STK26: variants seen among roughly 807,000 people sequenced by gnomAD.
STK26 encodes the protein serine/threonine-protein kinase 26.
In STK26, 14 loss-of-function variants were observed where a neutral mutation model predicts 34.7. That is an observed-to-expected ratio of 0.40 (90% confidence interval 0.27 to 0.63). STK26 has a LOEUF of 0.63. Among genes scored for constraint, STK26 ranks in the 30% least tolerant of loss-of-function variants. The probability of loss-of-function intolerance (pLI) is 0.38; values close to 1 mark genes in which losing one functional copy is unlikely to be tolerated. For synonymous variants in STK26, 100 were observed against 109.8 expected (o/e 0.91, Z 0.56); for missense variants, 226 against 309.1 (o/e 0.73, Z 2.02).
Position 132,023,548 on chromosome X carries a change from C to A in STK26, c.-70C>A. The A allele has an allele frequency of 8.7e-7, 1 of 1,143,356 alleles. No individual in the cohort carries two copies. The highest frequency in any genetic ancestry group is 1.2e-6 in the Non-Finnish European group (1 of 851,758). 94.2% of individuals were successfully genotyped at this position (1,143,356 alleles called of 1,213,427 possible). ...CCTGGGAGGGCCGCCGAACTACCCC[C>A]GGAGGGAGGAGCCAGTCCGAACCCA... On this transcript the variant is annotated 5_prime_UTR_variant, in exon 2 of 12. Coordinates refer to ENST00000394334, the MANE Select transcript of STK26 (RefSeq NM_016542.4).
At chrX:132,063,628 T>C (rs1927128277) in intron 4 of STK26, 139 bp downstream of exon 4, 2 of 492,430 alleles carry the variant, frequency 4.1e-6, no homozygotes, top group Non-Finnish European at 6.8e-6. Flanking sequence ...AATTCTTTTT[T>C]CATGACCTCT....
At position 132,063,957 on chromosome X, in the gene STK26, C is replaced by T. The variant is rs1033579929; in HGVS notation, c.330+468C>T. 2.7e-5 allele frequency among the ~76,000 whole-genome samples: 3 copies of T among 111,378 alleles called. No individual in the cohort carries two copies. The Admixed American group carries it at 2.9e-4, about 11-fold the overall frequency. Reference sequence around the variant, plus strand: ...GTATTAGGCGGTGGGGACCTTGGGACCTAATTAAGTCATGAAGGTGAGTTC... The same window carrying T: ...GTATTAGGCGGTGGGGACCTTGGGATCTAATTAAGTCATGAAGGTGAGTTC... On this transcript the variant is annotated intron_variant, in intron 4 of 11. Transcript: ENST00000394334.
At chrX:132,071,403 T>A (rs1317873968) in intron 8 of STK26, among the ~76,000 whole-genome samples, 186 bp downstream of exon 8, 1 of 112,434 alleles carries the variant, frequency 8.9e-6, no homozygotes, top group African/African-American at 3.2e-5. Flanking sequence ...AACATGTTTT[T>A]CTTGGAAGTG....
At chrX:132,054,487 A>T in intron 2 of STK26, 144 bp from the exon 3 acceptor site, 2 of 499,472 alleles carry the variant, frequency 4.0e-6, no homozygotes, top group Non-Finnish European at 6.6e-6. Flanking sequence ...AGTTGTTCTA[A>T]CAAAGCACAT....
chrX:132,040,832 A>G (rs1205072803), intron 2 of STK26, among the ~76,000 whole-genome samples: 3 of 112,059 alleles, frequency 2.7e-5, no homozygotes, highest in African/African-American at 9.7e-5. Context: ...TTATTAGATC[A>G]TAGCATATGA....
Position 132,068,229 on chromosome X carries a change from A to G in STK26, c.345A>G (p.Pro115=). 8.3e-7 allele frequency: 1 copy of G among 1,203,552 alleles called. No homozygotes were observed. The highest frequency in any genetic ancestry group is 1.1e-6 in the Non-Finnish European group (1 of 891,801). The change falls in exon 5 of 12, where the codon CCA becomes CCG. Residue 115 remains proline, a synonymous_variant. Coordinates refer to ENST00000394334, the MANE Select transcript of STK26 (RefSeq NM_016542.4). ...TTCCCCTTAAGCTTCGAGCTGGTCC[A>G]TTTGATGAGTTCCAGATTGCTACCA... ...GSALDLLRAG[P]FDEFQIATML...
intron 2 of STK26, among the ~76,000 whole-genome samples, chrX:132,044,660 T>TCTCTCC (rs2124153089): frequency 1.4e-5 from 1 of 73,772 alleles, no homozygotes; most frequent in Admixed American, 1.4e-4. Flanking sequence ...TCTCTCTCTC[T>TCTCTCC]CTCTCGAGAT....
At chrX:132,029,208 G>A (rs756245473) in intron 2 of STK26, among the ~76,000 whole-genome samples, 2 of 112,054 alleles carry the variant, frequency 1.8e-5, no homozygotes, top group South Asian at 7.5e-4. Flanking sequence ...TCTCTTGCTT[G>A]AGTCACAGCA....
chrX:132,060,183 G>A, intron 3 of STK26, among the ~76,000 whole-genome samples: 1 of 111,913 alleles, frequency 8.9e-6, no homozygotes, highest in South Asian at 3.7e-4. Flanking sequence ...TGATGTCTCT[G>A]GTTTCATCCT....
At chrX:132,033,341 A>G (rs936178967) in intron 2 of STK26, among the ~76,000 whole-genome samples, 8 of 112,230 alleles carry the variant, frequency 7.1e-5, no homozygotes, top group African/African-American at 1.9e-4. Flanking sequence ...AAAGAAACCA[A>G]TCAGCAAAGC....
chrX:132,039,481 T>C (rs187448042), intron 2 of STK26, among the ~76,000 whole-genome samples: 4 of 111,603 alleles, frequency 3.6e-5, no homozygotes, highest in Non-Finnish European at 5.7e-5. Context: ...AGAGATTGCA[T>C]AGGTAATCCT....
chrX:132,072,410 A>G, intron 9 of STK26, 49 bp downstream of exon 9: 1 of 1,023,331 alleles, frequency 9.8e-7, no homozygotes, highest in East Asian at 3.2e-5. Context: ...TTTTCAAACC[A>G]TGTAGTGAGA....
rs185596919 is a variant in STK26 at position 132,070,876 on chromosome X, A to T, written c.784-193A>T. On this transcript the variant is annotated intron_variant, in intron 7 of 11. Transcript: ENST00000394334. ...ACAAATTGGGACACCAAAGTAGTAGATTCAATGTGGTTGCCTTGAGCCACT... is the reference window on the plus strand; with the variant it reads ...ACAAATTGGGACACCAAAGTAGTAGTTTCAATGTGGTTGCCTTGAGCCACT... 4.2e-3 allele frequency among the ~76,000 whole-genome samples: 473 copies of T among 112,985 alleles called. 3 individuals carry two copies. The highest frequency in any genetic ancestry group is 0.014 in the Middle Eastern group (3 of 218).
chrX:132,069,881 A>T, intron 7 of STK26, among the ~76,000 whole-genome samples: 1 of 110,078 alleles, frequency 9.1e-6, no homozygotes, highest in Non-Finnish European at 1.9e-5. Flanking sequence ...CTTGATCCTC[A>T]GCTTCCTCCT....
chrX:132,072,648 A>G (rs1927453361), intron 9 of STK26, among the ~76,000 whole-genome samples, 165 bp from the exon 10 acceptor site: 1 of 112,139 alleles, frequency 8.9e-6, no homozygotes, highest in Non-Finnish European at 1.9e-5. Context: ...GGACTTCTGG[A>G]TGATGAATGA....
At chrX:132,039,827 A>G (rs1926196209) in intron 2 of STK26, among the ~76,000 whole-genome samples, 2 of 111,853 alleles carry the variant, frequency 1.8e-5, no homozygotes, top group Non-Finnish European at 1.9e-5. Context: ...ATAATCATCT[A>G]CCATCTTCCA....
chrX:132,044,967 A>T (rs1926448604), intron 2 of STK26, among the ~76,000 whole-genome samples: 1 of 105,484 alleles, frequency 9.5e-6, no homozygotes, highest in Admixed American at 1.1e-4. Flanking sequence ...TTCTGAGTGA[A>T]TTTACTTCAC....
At chrX:132,071,642 A>T (rs1446984034) in intron 8 of STK26, among the ~76,000 whole-genome samples, 1 of 112,313 alleles carries the variant, frequency 8.9e-6, no homozygotes. Flanking sequence ...AGACTGATAC[A>T]TTTAAATATT....
chrX:132,033,923 A>G (rs1192050991), intron 2 of STK26, among the ~76,000 whole-genome samples: 1 of 109,785 alleles, frequency 9.1e-6, no homozygotes, highest in East Asian at 2.8e-4. Context: ...CCCAAGGAAG[A>G]CTGGAGTAAG....
Sources: allele counts gnomAD v4.1 joint callset (sites outside exome capture counted in the v4.1 genomes callset), GRCh38; gene constraint gnomAD v4.1.1; transcripts MANE v1.5; gene names NCBI Gene and HGNC (gene_info 2026-07-23, HGNC 2026-07-21).